The following ASPH variants were observed in gnomAD, a reference collection of about 807,000 sequenced individuals.
ASPH encodes aspartyl/asparaginyl beta-hydroxylase.
In ASPH, 100 loss-of-function variants were observed where a neutral mutation model predicts 118.4. The observed-to-expected ratio is 0.84, with a 90% confidence interval of 0.72 to 1.00. The LOEUF (loss-of-function observed/expected upper bound fraction) is 1.00, where lower values mean the gene tolerates loss of function less well. ASPH is among the 50% of genes least tolerant of loss of function. The pLI, the probability that ASPH is intolerant of heterozygous loss-of-function variation, is 0.00. For missense variants in ASPH, 920 were observed against 919.5 expected (o/e 1.00, Z -0.01); for synonymous variants, 315 against 325.6 (o/e 0.97, Z 0.35).
intron 13 of ASPH, among the ~76,000 whole-genome samples, chr8:61,627,723 T>C (rs1302072419): frequency 1.3e-5 from 2 of 152,078 alleles, no homozygotes; most frequent in Admixed American, 1.3e-4. Context: ...AAAAGGCAAA[T>C]AAACTAAAAG....
In ASPH at chr8:61,644,682, T is replaced by C. The variant is rs763650227; in HGVS notation, c.620-50A>G. 12 of 1,440,056 alleles carry C rather than the reference T, an allele frequency of 8.3e-6. No individual in the cohort carries two copies. The East Asian group carries it at 1.2e-4, about 14-fold the overall frequency. The allele number at this position is 1,440,056 out of a possible 1,614,324, so 89.2% of individuals were successfully genotyped here. On this transcript the variant is annotated intron_variant, in intron 6 of 24. Coordinates refer to ENST00000379454, the MANE Select transcript of ASPH (RefSeq NM_004318.4). ...TATTTACTGCTTTTACAAAATGGTATGTATATATCCCGTATATGTACTCTG... is the reference window on the plus strand; with the variant it reads ...TATTTACTGCTTTTACAAAATGGTACGTATATATCCCGTATATGTACTCTG...
At chr8:61,572,695 T>C (rs1833826565) in intron 16 of ASPH, among the ~76,000 whole-genome samples, 2 of 152,192 alleles carry the variant, frequency 1.3e-5, no homozygotes, top group South Asian at 2.1e-4. Flanking sequence ...GCATCTCTTG[T>C]GTACACTTGC....
chr8:61,677,571 C>T (rs940023947), intron 3 of ASPH, among the ~76,000 whole-genome samples: 1 of 152,162 alleles, frequency 6.6e-6, no homozygotes. Flanking sequence ...CTCTGCTTTA[C>T]TCAAAAGAAC....
At chr8:61,639,260 T>C (rs980371068) in intron 10 of ASPH, among the ~76,000 whole-genome samples, 13 of 152,116 alleles carry the variant, frequency 8.5e-5, no homozygotes, top group Non-Finnish European at 1.9e-4. Flanking sequence ...ACCCTCTCTT[T>C]CTTCCATTGA....
intron 21 of ASPH, among the ~76,000 whole-genome samples, 197 bp downstream of exon 21, chr8:61,547,874 C>A (rs538800377): frequency 6.6e-6 from 1 of 152,214 alleles, no homozygotes; most frequent in South Asian, 2.1e-4. Context: ...CTCCTAAGTT[C>A]CGCACAAATT....
At chr8:61,626,503 A>G (rs1057367174) in intron 13 of ASPH, among the ~76,000 whole-genome samples, 1 of 152,146 alleles carries the variant, frequency 6.6e-6, no homozygotes, top group Non-Finnish European at 1.5e-5. Context: ...TCTTTCGAGC[A>G]CTTGAGAATT....
chr8:61,564,595 G>A (rs146558763), intron 17 of ASPH, among the ~76,000 whole-genome samples: 63 of 152,246 alleles, frequency 4.1e-4, no homozygotes, highest in Non-Finnish European at 5.4e-4. Context: ...CACTGCGTCC[G>A]GGCAGTAATG....
chr8:61,555,178 T>G (rs1310057853), intron 19 of ASPH, among the ~76,000 whole-genome samples: 1 of 152,204 alleles, frequency 6.6e-6, no homozygotes, highest in African/African-American at 2.4e-5. Flanking sequence ...TGTGGGTAGT[T>G]AAGAGTACTA....
chr8:61,673,820 T>TCA (rs374632583), intron 3 of ASPH, among the ~76,000 whole-genome samples: 2,520 of 150,842 alleles, frequency 0.017, 32 homozygotes, highest in African/African-American at 0.023. Context: ...TTTATCTCTC[T>TCA]CACACACACA....
At chr8:61,535,658 A>G (rs902372716) in intron 21 of ASPH, among the ~76,000 whole-genome samples, 1 of 152,258 alleles carries the variant, frequency 6.6e-6, no homozygotes, top group Admixed American at 6.5e-5. Context: ...AATTTTATCT[A>G]ATTGGTTAAG....
intron 8 of ASPH, among the ~76,000 whole-genome samples, chr8:61,643,681 T>G (rs1480343752): frequency 6.6e-6 from 1 of 152,250 alleles, no homozygotes; most frequent in African/African-American, 2.4e-5. Context: ...CCCTTCAATT[T>G]TCAAATATTC....
intron 17 of ASPH, among the ~76,000 whole-genome samples, chr8:61,565,184 T>C (rs557530883): frequency 9.2e-5 from 14 of 152,328 alleles, no homozygotes; most frequent in African/African-American, 3.4e-4. Flanking sequence ...CTAAATCTGA[T>C]GATATATGAT....
chr8:61,697,172 G>C lies in ASPH; in HGVS notation c.104-12984C>G, dbSNP rs561817565. On this transcript the variant is annotated intron_variant, in intron 1 of 24. Transcript: ENST00000379454. ...GAATCCTGTAAATTATAAAACACAC[G>C]TCTTACAGTTGAGTTAGTAGAAAAC... Among the ~76,000 whole-genome samples the C allele has an allele frequency of 2.0e-5, 3 of 152,228 alleles. No individual in the cohort carries two copies. The South Asian group carries it at 6.2e-4, about 32-fold the overall frequency.
chr8:61,602,349 A>C (rs1844248895), intron 14 of ASPH, among the ~76,000 whole-genome samples: 1 of 151,458 alleles, frequency 6.6e-6, no homozygotes, highest in South Asian at 2.1e-4. Flanking sequence ...AAAATGAAAA[A>C]AATATGATCA....
chr8:61,528,211 A>G (rs539077858), intron 21 of ASPH, among the ~76,000 whole-genome samples: 2 of 152,210 alleles, frequency 1.3e-5, no homozygotes, highest in African/African-American at 4.8e-5. Context: ...TCGCATTTCA[A>G]TAAAGAGACA....
At chr8:61,575,872 C>A (rs748172731) in intron 16 of ASPH, among the ~76,000 whole-genome samples, 39 of 152,132 alleles carry the variant, frequency 2.6e-4, no homozygotes, top group Non-Finnish European at 5.6e-4. Context: ...CCCCTATAGG[C>A]AAAAGGTACC....
At chr8:61,608,235 T>C (rs1225990364) in intron 14 of ASPH, among the ~76,000 whole-genome samples, 2 of 152,216 alleles carry the variant, frequency 1.3e-5, no homozygotes, top group Non-Finnish European at 2.9e-5. Flanking sequence ...TTAAAAGTAG[T>C]CTTTTAGTCC....
At chr8:61,527,771 GC>G (rs2129628064) in intron 21 of ASPH, among the ~76,000 whole-genome samples, 1 of 152,204 alleles carries the variant, frequency 6.6e-6, no homozygotes, top group Non-Finnish European at 1.5e-5. Flanking sequence ...TGGCTGGATG[GC>G]CTTTCAGCCC....
chr8:61,680,267 C>CA lies in ASPH; in HGVS notation c.322+700dup, dbSNP rs201788204. On this transcript the variant is annotated intron_variant, in intron 3 of 24. Coordinates refer to ENST00000379454, the MANE Select transcript of ASPH (RefSeq NM_004318.4). ...GTTTTAACATATATTATGCTACATACAAAAGCAAAGGAAGTCTCACCAGGC... is the reference window on the plus strand; with the variant it reads ...GTTTTAACATATATTATGCTACATACAAAAAGCAAAGGAAGTCTCACCAGGC... Among the ~76,000 whole-genome samples the CA allele has an allele frequency of 7.9e-3, 1,192 of 151,828 alleles. 19 individuals are homozygous for CA. Among genetic ancestry groups the CA allele is most frequent in the African/African-American group, 0.027 (1,110 of 41,510 alleles).
Sources: allele counts gnomAD v4.1 joint callset (sites outside exome capture counted in the v4.1 genomes callset), GRCh38; gene constraint gnomAD v4.1.1; transcripts MANE v1.5; gene names NCBI Gene and HGNC (gene_info 2026-07-23, HGNC 2026-07-21).